Variants in MARCHF1 observed in about 807,000 individuals in gnomAD.
MARCHF1 encodes the protein membrane associated ring-CH-type finger 1.
MARCHF1 carries 40 observed loss-of-function variants against 54.2 expected under a neutral mutation model. The observed-to-expected ratio is 0.74, with a 90% CI of 0.57 to 0.96. The LOEUF is 0.96. Ranked by LOEUF, MARCHF1 falls within the 40% of genes least tolerant of loss-of-function variation. The pLI, the probability that MARCHF1 is intolerant of heterozygous loss-of-function variation, is 0.00. For missense variants in MARCHF1, 586 were observed against 656.5 expected (o/e 0.89, Z 1.17); for synonymous variants, 236 against 236.3 (o/e 1.00, Z 0.01).
chr4:163,721,144 G>T (rs1038628006), intron 4 of MARCHF1, among the ~76,000 whole-genome samples: 2 of 152,028 alleles, frequency 1.3e-5, no homozygotes, highest in Admixed American at 1.3e-4. Context: ...TTGCCCATTC[G>T]GTATGATACT....
chr4:164,296,479 T>A (rs1197034078), intron 1 of MARCHF1, among the ~76,000 whole-genome samples: 1 of 152,122 alleles, frequency 6.6e-6, no homozygotes, highest in Non-Finnish European at 1.5e-5. Context: ...TTCAAGCAAT[T>A]CTGCCTCAGC....
In MARCHF1 at chr4:164,289,689, T is replaced by C. The variant is rs751632192; in HGVS notation, c.-323+94181A>G. 9.2e-5 allele frequency among the ~76,000 whole-genome samples: 14 copies of C among 151,468 alleles called. No homozygotes were observed. In the South Asian group the frequency reaches 1.0e-3, roughly 11 times the overall value. On this transcript the variant is annotated intron_variant, in intron 1 of 9. Coordinates refer to ENST00000514618, the MANE Select transcript of MARCHF1 (RefSeq NM_001394959.1). Reference sequence around the variant, plus strand: ...GCAACCTTCCCTCACATCTATCTAATCAAACCCTCACAGGCTATGAGTATA... The same window carrying C: ...GCAACCTTCCCTCACATCTATCTAACCAAACCCTCACAGGCTATGAGTATA...
At chr4:164,061,687 T>G (rs951003490) in intron 2 of MARCHF1, among the ~76,000 whole-genome samples, 2 of 150,548 alleles carry the variant, frequency 1.3e-5, no homozygotes, top group Non-Finnish European at 3.0e-5. Flanking sequence ...ATAATAATAA[T>G]AAAATAAAAA....
At position 163,612,327 on chromosome 4, in the gene MARCHF1, A is replaced by G; in HGVS notation, c.954T>C (p.Pro318=). The G allele has an allele frequency of 1.3e-6, 2 of 1,532,188 alleles. No individual in the cohort carries two copies. The highest frequency in any genetic ancestry group is 1.7e-6 in the Non-Finnish European group (2 of 1,145,534). The allele number at this position is 1,532,188 out of a possible 1,614,324, so 94.9% of individuals were successfully genotyped here. Residue 318 remains proline, a synonymous_variant, in exon 7 of 10, where the codon CCT becomes CCC. Coordinates refer to ENST00000514618, the MANE Select transcript of MARCHF1 (RefSeq NM_001394959.1). ...MNDAGLQVNN[P]VQKPPATYDD... Reference sequence around the variant, plus strand: ...CATAGGTGGCAGGAGGCTTCTGAACAGGGTTATTCACCTGGAGCCCTGCAT... The same window carrying G: ...CATAGGTGGCAGGAGGCTTCTGAACGGGGTTATTCACCTGGAGCCCTGCAT...
In MARCHF1 at chr4:164,365,227, G is replaced by A. The variant is rs376302216; in HGVS notation, c.-323+18643C>T. ...TACTTACATGAGAAATATCTATCTG[G>A]ACTCACATAAAAAGTGAATTCGAGA... On this transcript the variant is annotated intron_variant, in intron 1 of 9. Transcript: ENST00000514618. Among the ~76,000 whole-genome samples, 29 of 152,002 alleles carry A rather than the reference G, an allele frequency of 1.9e-4. No homozygotes were observed. In the East Asian group the frequency reaches 2.5e-3, roughly 13 times the overall value.
chr4:163,534,495 TCCCTA>T (rs1738464834), intron 9 of MARCHF1, among the ~76,000 whole-genome samples: 1 of 152,052 alleles, frequency 6.6e-6, no homozygotes, highest in Non-Finnish European at 1.5e-5. Flanking sequence ...TTCATGTCTC[TCCCTA>T]CCCAAGTCGC....
chr4:163,991,874 C>A (rs1020675187), intron 2 of MARCHF1, among the ~76,000 whole-genome samples: 1 of 152,134 alleles, frequency 6.6e-6, no homozygotes, highest in Admixed American at 6.5e-5. Context: ...TCATTCCCAC[C>A]TCTGGCTCCA....
intron 2 of MARCHF1, among the ~76,000 whole-genome samples, chr4:164,003,436 C>T (rs995936796): frequency 4.0e-5 from 6 of 151,616 alleles, no homozygotes; most frequent in African/African-American, 7.3e-5. Flanking sequence ...CAGTAGTCAA[C>T]GAAAAAGTAC....
rs537268538 is a variant in MARCHF1, at chr4:163,736,772, C to T, written c.112-35909G>A. ...ATAATAAAAAATTATAAAGTATTCA[C>T]CAAGTATGTTTTTATTCTATTACAG... On this transcript the variant is annotated intron_variant, in intron 4 of 9. Coordinates refer to ENST00000514618, the MANE Select transcript of MARCHF1 (RefSeq NM_001394959.1). 2.8e-4 allele frequency among the ~76,000 whole-genome samples: 43 copies of T among 152,188 alleles called. No homozygotes were observed. The South Asian group carries it at 8.9e-3, about 32-fold the overall frequency.
intron 1 of MARCHF1, chr4:164,190,434 T>C (rs1257813048): frequency 7.0e-6 from 3 of 429,052 alleles, no homozygotes; most frequent in African/African-American, 2.1e-5. Context: ...GTAATTGGAA[T>C]TGTCACCTCA....
At chr4:164,257,453 C>A (rs7688153) in intron 1 of MARCHF1, among the ~76,000 whole-genome samples, 1 of 150,996 alleles carries the variant, frequency 6.6e-6, no homozygotes. Flanking sequence ...TATGATAAAT[C>A]GTCAGTTTTG....
At chr4:164,381,510 T>C (rs1157464800) in intron 1 of MARCHF1, among the ~76,000 whole-genome samples, 1 of 152,208 alleles carries the variant, frequency 6.6e-6, no homozygotes, top group Admixed American at 6.5e-5. Context: ...TTCTTCTCAA[T>C]ATACATTTTT....
chr4:164,310,736 TTTAAG>T (rs1424511201), intron 1 of MARCHF1, among the ~76,000 whole-genome samples: 3 of 152,028 alleles, frequency 2.0e-5, no homozygotes, highest in Non-Finnish European at 4.4e-5. Flanking sequence ...AGCTCCTTAA[TTTAAG>T]TTATTAAAAA....
At chr4:163,759,817 C>G (rs1746780506) in intron 4 of MARCHF1, among the ~76,000 whole-genome samples, 1 of 152,114 alleles carries the variant, frequency 6.6e-6, no homozygotes, top group Non-Finnish European at 1.5e-5. Context: ...TGAATTTCAT[C>G]TAACTGCACA....
chr4:164,327,106 C>T (rs1405150776), intron 1 of MARCHF1, among the ~76,000 whole-genome samples: 1 of 151,942 alleles, frequency 6.6e-6, no homozygotes, highest in Non-Finnish European at 1.5e-5. Context: ...GTCTACTATA[C>T]TCTGGATGCT....
intron 2 of MARCHF1, among the ~76,000 whole-genome samples, chr4:164,110,001 T>C (rs1176406649): frequency 6.7e-6 from 1 of 149,928 alleles, no homozygotes; most frequent in Non-Finnish European, 1.5e-5. Context: ...CTCTTTGCCA[T>C]TGTTCACACT....
At chr4:163,940,138 G>A (rs1237229396) in intron 3 of MARCHF1, among the ~76,000 whole-genome samples, 5 of 152,088 alleles carry the variant, frequency 3.3e-5, no homozygotes, top group African/African-American at 1.2e-4. Context: ...ATGAGGAAGA[G>A]TGCCCTTACT....
intron 4 of MARCHF1, among the ~76,000 whole-genome samples, chr4:163,712,952 A>T (rs989116399): frequency 2.6e-5 from 4 of 152,086 alleles, no homozygotes; most frequent in Admixed American, 2.6e-4. Flanking sequence ...CATGAATGCA[A>T]ATTTCATACA....
intron 3 of MARCHF1, among the ~76,000 whole-genome samples, chr4:163,950,040 G>A (rs114669807): frequency 0.016 from 2,488 of 152,274 alleles, 64 homozygotes; most frequent in African/African-American, 0.054. Flanking sequence ...GGTCATGGGC[G>A]GGCCCAGGAA....
Sources: allele counts gnomAD v4.1 joint callset (sites outside exome capture counted in the v4.1 genomes callset), GRCh38; gene constraint gnomAD v4.1.1; transcripts MANE v1.5; gene names NCBI Gene and HGNC (gene_info 2026-07-23, HGNC 2026-07-21).